Variants in DLGAP4 observed in about 807,000 individuals in gnomAD.
DLGAP4 encodes the protein DLG associated protein 4.
In DLGAP4, 18 loss-of-function variants were observed where a neutral mutation model predicts 86.9. The ratio of observed to expected loss-of-function variants is 0.21; its 90% CI spans 0.14 to 0.31. The LOEUF is 0.31. DLGAP4 is among the 10% of genes least tolerant of loss of function. The pLI is 1.00. For synonymous variants in DLGAP4, 548 were observed against 574.3 expected (o/e 0.95, Z 0.65); for missense variants, 1,085 against 1,362.6 (o/e 0.80, Z 3.21).
chr20:36,497,606 G>T, intron 8 of DLGAP4: 1 of 987,960 alleles, frequency 1.0e-6, no homozygotes, highest in Non-Finnish European at 1.2e-6. Context: ...GGGACAGGTA[G>T]GTGGCTTGAG....
chr20:36,307,080 T>A (rs1555889555), intron 1 of DLGAP4, among the ~76,000 whole-genome samples: 3 of 152,004 alleles, frequency 2.0e-5, no homozygotes, highest in Non-Finnish European at 1.5e-5. Context: ...GCTCTTTCCC[T>A]GACCTGGCAT....
chr20:36,437,912 T>C (rs1018026192), intron 4 of DLGAP4, among the ~76,000 whole-genome samples: 10 of 152,058 alleles, frequency 6.6e-5, no homozygotes, highest in Admixed American at 2.6e-4. Flanking sequence ...TCCATCTTTT[T>C]TGTGGGGATG....
In DLGAP4 at chr20:36,376,761, G is replaced by T. The variant is rs2031170660; in HGVS notation, c.-73+9486G>T. Among the ~76,000 whole-genome samples the T allele has an allele frequency of 1.3e-5, 2 of 152,176 alleles. 1 individual carries two copies. The highest frequency in any genetic ancestry group is 1.3e-4 in the Admixed American group (2 of 15,276). ...CAGCTTCGTGAGACTTAGAGCAGCA[G>T]CCTGATGAGGCCTCCAGGGTCCCGC... On this transcript the variant is annotated intron_variant, in intron 2 of 12. Coordinates refer to ENST00000339266, the MANE Select transcript of DLGAP4 (RefSeq NM_001365621.2).
intron 7 of DLGAP4, among the ~76,000 whole-genome samples, chr20:36,456,806 T>C (rs1227747958): frequency 2.6e-5 from 4 of 152,164 alleles, no homozygotes; most frequent in Middle Eastern, 3.2e-3. Flanking sequence ...TTGAGACTCT[T>C]GAGACAAGAC....
intron 10 of DLGAP4, among the ~76,000 whole-genome samples, chr20:36,519,414 A>C (rs2037233862): frequency 6.6e-6 from 1 of 152,138 alleles, no homozygotes; most frequent in African/African-American, 2.4e-5. Flanking sequence ...TATGAGGTTT[A>C]GAGTTTTCTG....
At chr20:36,336,947 C>T (rs1397202064) in intron 1 of DLGAP4, among the ~76,000 whole-genome samples, 2 of 152,212 alleles carry the variant, frequency 1.3e-5, no homozygotes, top group Admixed American at 6.5e-5. Context: ...CTCTGCTGTG[C>T]GCACACCTCT....
chr20:36,386,862 T>C (rs1371494270), intron 2 of DLGAP4, among the ~76,000 whole-genome samples: 1 of 152,232 alleles, frequency 6.6e-6, no homozygotes, highest in Non-Finnish European at 1.5e-5. Context: ...CTTACATAAA[T>C]TATATCATAA....
chr20:36,448,671 T>C (rs1394295550), intron 7 of DLGAP4, among the ~76,000 whole-genome samples: 2 of 152,128 alleles, frequency 1.3e-5, no homozygotes, highest in Non-Finnish European at 2.9e-5. Flanking sequence ...TGGTGGCTCA[T>C]GCCTGTAATC....
In DLGAP4 at chr20:36,442,739, G is replaced by C. The variant is rs2033484196; in HGVS notation, c.1369G>C (p.Ala457Pro). ...SSCISQIFGQ[A>P]SLIPQLFGHE... ...CTCTTTCCTGCAGATTTTTGGACAGGCCTCCCTGATCCCCCAGTTGTTTGG... is the reference window on the plus strand; with the variant it reads ...CTCTTTCCTGCAGATTTTTGGACAGCCCTCCCTGATCCCCCAGTTGTTTGG... Residue 457 changes from alanine to proline, a missense_variant, in exon 6 of 13, where the codon GCC (alanine) becomes CCC (proline). This residue lies in a region of DLGAP4 where 1,082 missense variants were observed against 1,344.1 expected (regional missense o/e 0.81). Coordinates refer to ENST00000339266, the MANE Select transcript of DLGAP4 (RefSeq NM_001365621.2). 3 of 1,614,140 alleles carry C rather than the reference G, an allele frequency of 1.9e-6. No homozygotes were observed. Among genetic ancestry groups the C allele is most frequent in the Non-Finnish European group, 2.5e-6 (3 of 1,180,030 alleles).
chr20:36,384,355 C>T (rs527395362), intron 2 of DLGAP4, among the ~76,000 whole-genome samples: 1 of 152,266 alleles, frequency 6.6e-6, no homozygotes, highest in South Asian at 2.1e-4. Flanking sequence ...GAAGCTTTGG[C>T]CCTGGCATTG....
At chr20:36,412,104 C>T (rs2032515619) in intron 2 of DLGAP4, among the ~76,000 whole-genome samples, 1 of 152,248 alleles carries the variant, frequency 6.6e-6, no homozygotes, top group Admixed American at 6.5e-5. Context: ...ATCTGAGTCA[C>T]AGAGCAGGCT....
intron 2 of DLGAP4, among the ~76,000 whole-genome samples, chr20:36,406,855 G>A (rs886123706): frequency 3.9e-5 from 6 of 152,184 alleles, no homozygotes; most frequent in Non-Finnish European, 8.8e-5. Context: ...CCCACATTGC[G>A]CAGACAGGGA....
chr20:36,331,902 G>T (rs782242600), intron 1 of DLGAP4, among the ~76,000 whole-genome samples: 1 of 152,066 alleles, frequency 6.6e-6, no homozygotes, highest in Non-Finnish European at 1.5e-5. Flanking sequence ...GGGATCGGGT[G>T]GGGGTTCCAG....
intron 7 of DLGAP4, among the ~76,000 whole-genome samples, chr20:36,493,655 GCAGCC>G (rs904665680): frequency 1.6e-4 from 24 of 152,166 alleles, no homozygotes; most frequent in Admixed American, 3.9e-4. Context: ...CCAAACACCG[GCAGCC>G]CAGCCCAGCC....
intron 3 of DLGAP4, among the ~76,000 whole-genome samples, chr20:36,435,085 G>A (rs2033234819): frequency 6.6e-6 from 1 of 152,008 alleles, no homozygotes; most frequent in African/African-American, 2.4e-5. Context: ...TTGTGGGGGG[G>A]GGTTGCTGTG....
At chr20:36,340,785 G>T (rs1461416482) in intron 1 of DLGAP4, among the ~76,000 whole-genome samples, 2 of 152,214 alleles carry the variant, frequency 1.3e-5, no homozygotes, top group Non-Finnish European at 2.9e-5. Context: ...CCCTCGGGGG[G>T]CTGTCGGGAG....
At chr20:36,419,444 G>A (rs1248847020) in intron 2 of DLGAP4, among the ~76,000 whole-genome samples, 1 of 152,080 alleles carries the variant, frequency 6.6e-6, no homozygotes, top group Non-Finnish European at 1.5e-5. Context: ...ACCTATTTCT[G>A]CATAGTAAAT....
At chr20:36,365,210 G>A (rs1410794895) in intron 1 of DLGAP4, among the ~76,000 whole-genome samples, 3 of 152,360 alleles carry the variant, frequency 2.0e-5, no homozygotes, top group Admixed American at 1.3e-4. Context: ...AGGGCCCTGC[G>A]GCACCCTGCC....
At chr20:36,499,172 T>TTG (rs569416459) in intron 8 of DLGAP4, 25,963 of 1,282,820 alleles carry the variant, frequency 0.02, 192 homozygotes, top group African/African-American at 0.043. Context: ...GGCTGTGGCT[T>TTG]TGTGTGTGTG....
Sources: allele counts gnomAD v4.1 joint callset (sites outside exome capture counted in the v4.1 genomes callset), GRCh38; gene constraint gnomAD v4.1.1; regional missense constraint gnomAD v4.1.1; transcripts MANE v1.5; gene names NCBI Gene and HGNC (gene_info 2026-07-23, HGNC 2026-07-21).